KCNK3: variants seen among roughly 807,000 people sequenced by gnomAD.
KCNK3 encodes potassium channel subfamily K member 3.
Under a neutral mutation model 27.3 loss-of-function variants are expected in KCNK3, and 9 were observed. That is an observed-to-expected ratio of 0.33 (90% CI 0.20 to 0.57). The LOEUF (loss-of-function observed/expected upper bound fraction) is 0.57. KCNK3 is among the 20% of genes least tolerant of loss of function. The pLI, the probability that KCNK3 is intolerant of heterozygous loss-of-function variation, is 0.87. For synonymous variants in KCNK3, 278 were observed against 273.8 expected (o/e 1.02, Z -0.15); for missense variants, 391 against 577.7 (o/e 0.68, Z 3.31).
In KCNK3 at chr2:26,728,316, G is replaced by A. The variant is rs372175509; in HGVS notation, c.933G>A (p.Ser311=). The A allele has an allele frequency of 6.9e-5, 111 of 1,602,636 alleles. No individual in the cohort carries two copies. Among genetic ancestry groups the A allele is most frequent in the Admixed American group, 1.0e-4 (6 of 58,938 alleles). ...AEVLHFQSMC[S]CLWYKSREKL... ...TGCTGCACTTCCAGTCCATGTGCTC[G>A]TGCCTGTGGTACAAGAGCCGCGAGA... The change falls in exon 2 of 2, where the codon TCG becomes TCA. Residue 311 remains serine (S), a synonymous_variant. Coordinates refer to ENST00000302909, the MANE Select transcript of KCNK3 (RefSeq NM_002246.3).
chr2:26,714,915 A>G (rs114989444), intron 1 of KCNK3, among the ~76,000 whole-genome samples: 7 of 151,668 alleles, frequency 4.6e-5, no homozygotes, highest in African/African-American at 1.5e-4. Context: ...ATAAATAAAT[A>G]AGGAGGGATG....
chr2:26,724,216 G>A (rs1663371381), intron 1 of KCNK3, among the ~76,000 whole-genome samples: 1 of 152,226 alleles, frequency 6.6e-6, no homozygotes, highest in Non-Finnish European at 1.5e-5. Flanking sequence ...AATGGGACAG[G>A]CAATGGGGTG....
At chr2:26,716,707 A>C (rs962264521) in intron 1 of KCNK3, among the ~76,000 whole-genome samples, 1 of 152,208 alleles carries the variant, frequency 6.6e-6, no homozygotes, top group African/African-American at 2.4e-5. Context: ...GGGCCTCTGC[A>C]TGGTACATGG....
chr2:26,704,844 C>G (rs1015990130), intron 1 of KCNK3, among the ~76,000 whole-genome samples: 143 of 152,394 alleles, frequency 9.4e-4, no homozygotes, highest in African/African-American at 3.3e-3. Flanking sequence ...GGGAGCCTGC[C>G]TCTGTTACCA....
chr2:26,694,337 T>C (rs1451198214), intron 1 of KCNK3, among the ~76,000 whole-genome samples: 1 of 152,140 alleles, frequency 6.6e-6, no homozygotes, highest in Non-Finnish European at 1.5e-5. Context: ...CCCTCTCCTC[T>C]CCCTAGTCCC....
chr2:26,699,329 C>G (rs1670278892), intron 1 of KCNK3, among the ~76,000 whole-genome samples: 1 of 152,078 alleles, frequency 6.6e-6, no homozygotes. Flanking sequence ...CTGACTGTGC[C>G]ATGCCTCCTG....
At chr2:26,703,128 A>T (rs909183300) in intron 1 of KCNK3, among the ~76,000 whole-genome samples, 1 of 152,160 alleles carries the variant, frequency 6.6e-6, no homozygotes, top group Non-Finnish European at 1.5e-5. Flanking sequence ...AAACAAAAGA[A>T]GGGCAGGCCG....
At position 26,727,811 on chromosome 2, in the gene KCNK3, C is replaced by T; in HGVS notation, c.428C>T (p.Ala143Val). The T allele has an allele frequency of 6.2e-7, 1 of 1,611,376 alleles. No homozygotes were observed. The highest frequency in any genetic ancestry group is 8.5e-7 in the Non-Finnish European group (1 of 1,177,940). The change falls in exon 2 of 2, where the codon GCC becomes GTC. Residue 143 changes from alanine to valine, a missense_variant. Ala to Val is a moderately conservative substitution (Grantham distance 64). This residue lies in a region of KCNK3 where 158 missense variants were observed against 267.7 expected (regional missense o/e 0.59). Coordinates refer to ENST00000302909, the MANE Select transcript of KCNK3 (RefSeq NM_002246.3). The stretch of plus-strand genomic sequence containing the variant: ...TTGGTGAGGTACCTGCTGCACCGCG[C>T]CAAGAAGGGGCTGGGCATGCGGCGC... Reference protein sequence around the residue: ...NTLVRYLLHRAKKGLGMRRAD... With the variant: ...NTLVRYLLHRVKKGLGMRRAD...
chr2:26,717,650 C>T (rs979439869), intron 1 of KCNK3, among the ~76,000 whole-genome samples: 1 of 152,376 alleles, frequency 6.6e-6, no homozygotes, highest in Non-Finnish European at 1.5e-5. Flanking sequence ...TCCAGCTGGT[C>T]ATGAGGATGC....
At chr2:26,712,416 T>TAGA (rs1178992965) in intron 1 of KCNK3, among the ~76,000 whole-genome samples, 1 of 152,156 alleles carries the variant, frequency 6.6e-6, no homozygotes, top group Admixed American at 6.5e-5. Context: ...CTTAGCCTCC[T>TAGA]AGAAGAGTCT....
intron 1 of KCNK3, among the ~76,000 whole-genome samples, chr2:26,702,282 G>T (rs918451510): frequency 5.3e-5 from 8 of 152,224 alleles, no homozygotes; most frequent in Non-Finnish European, 1.0e-4. Flanking sequence ...GCAGGCTACA[G>T]TGTGGAATGC....
intron 1 of KCNK3, among the ~76,000 whole-genome samples, chr2:26,720,550 G>A (rs1232577281): frequency 6.6e-6 from 1 of 152,234 alleles, no homozygotes; most frequent in Non-Finnish European, 1.5e-5. Flanking sequence ...CCTGAGGAGG[G>A]TGGGGGATGG....
chr2:26,727,150 A>G (rs1356518631), intron 1 of KCNK3, among the ~76,000 whole-genome samples: 1 of 152,092 alleles, frequency 6.6e-6, no homozygotes, highest in African/African-American at 2.4e-5. Context: ...TGTACACTGG[A>G]TCACAGGATG....
chr2:26,709,169 C>T (rs1285409854), intron 1 of KCNK3, among the ~76,000 whole-genome samples: 2 of 152,076 alleles, frequency 1.3e-5, no homozygotes, highest in African/African-American at 4.8e-5. Flanking sequence ...GTTTCGGATA[C>T]CCAGCCTAAT....
chr2:26,698,263 A>T (rs1212625391), intron 1 of KCNK3, among the ~76,000 whole-genome samples: 1 of 149,846 alleles, frequency 6.7e-6, no homozygotes, highest in Non-Finnish European at 1.5e-5. Context: ...CTTCCTGCCC[A>T]CAGGCTAGCC....
At chr2:26,709,256 G>A (rs187257683) in intron 1 of KCNK3, among the ~76,000 whole-genome samples, 2 of 152,344 alleles carry the variant, frequency 1.3e-5, no homozygotes, top group African/African-American at 4.8e-5. Flanking sequence ...TCAAAGCTGA[G>A]ATATCAACTC....
chr2:26,692,996 CTGGAG>C lies in KCNK3; in HGVS notation c.122_126del (p.Leu41ProfsTer595). 6.3e-7 allele frequency: 1 copy of C among 1,577,178 alleles called. No homozygotes were observed. Among genetic ancestry groups the C allele is most frequent in the Non-Finnish European group, 8.6e-7 (1 of 1,166,750 alleles). On this transcript the variant is annotated frameshift_variant, in exon 1 of 2. Coordinates refer to ENST00000302909, the MANE Select transcript of KCNK3 (RefSeq NM_002246.3). LOFTEE classifies it high-confidence loss of function. This position sits in a 1 kb window ranked among gnomAD's most constrained non-coding sequence, Gnocchi z 5.6. ...GCCCGAGCTGATCGAGCGGCAGCGGCTGGAGCTGCGGCAGCAGGAGCTGCGGGCGC... is the reference window on the plus strand; with the variant it reads ...GCCCGAGCTGATCGAGCGGCAGCGGCCTGCGGCAGCAGGAGCTGCGGGCGC...
intron 1 of KCNK3, among the ~76,000 whole-genome samples, chr2:26,704,321 G>A (rs1321054731): frequency 6.6e-6 from 1 of 152,138 alleles, no homozygotes; most frequent in East Asian, 1.9e-4. Flanking sequence ...CACAGCTTCT[G>A]CATGGACAAC....
chr2:26,711,520 G>C (rs1663108818), intron 1 of KCNK3, among the ~76,000 whole-genome samples: 1 of 152,118 alleles, frequency 6.6e-6, no homozygotes, highest in African/African-American at 2.4e-5. Flanking sequence ...CCTAATCCAG[G>C]CTGCCTGGAG....
Sources: allele counts gnomAD v4.1 joint callset (sites outside exome capture counted in the v4.1 genomes callset), GRCh38; gene constraint gnomAD v4.1.1; regional missense constraint gnomAD v4.1.1; non-coding constraint Gnocchi (gnomAD v3.1); transcripts MANE v1.5; gene names NCBI Gene and HGNC (gene_info 2026-07-23, HGNC 2026-07-21).